The following PYGL variants were observed in gnomAD, a reference collection of about 807,000 sequenced individuals.
The protein encoded by PYGL is glycogen phosphorylase L.
A neutral mutation model predicts 100.1 loss-of-function variants in PYGL; 90 were observed. The observed-to-expected ratio is 0.90, with a 90% CI of 0.76 to 1.07. The LOEUF is 1.07. Ranked by LOEUF, PYGL falls within the 50% of genes least tolerant of loss-of-function variation. The probability of loss-of-function intolerance (pLI) is 0.00; values close to 1 mark genes in which losing one functional copy is unlikely to be tolerated. For missense variants in PYGL, 1,016 were observed against 1,057.6 expected (o/e 0.96, Z 0.55); for synonymous variants, 373 against 393.0 (o/e 0.95, Z 0.60).
intron 4 of PYGL, among the ~76,000 whole-genome samples, chr14:50,930,258 A>G (rs1432398983): frequency 2.0e-5 from 3 of 152,176 alleles, no homozygotes; most frequent in African/African-American, 7.2e-5. Flanking sequence ...TGTGCCAGAT[A>G]TTTTACATGT....
chr14:50,929,420 T>C (rs1007446135), intron 4 of PYGL, among the ~76,000 whole-genome samples: 2 of 152,226 alleles, frequency 1.3e-5, no homozygotes, highest in African/African-American at 2.4e-5. Context: ...TAAAGAACAC[T>C]GGAATACATG....
chr14:50,910,612 T>C (rs2050385397), intron 16 of PYGL, among the ~76,000 whole-genome samples: 1 of 152,080 alleles, frequency 6.6e-6, no homozygotes, highest in South Asian at 2.1e-4. Flanking sequence ...AGCACCACCA[T>C]GTCCAGCTAA....
chr14:50,915,082 A>G (rs2050433064), intron 11 of PYGL: 1 of 620,602 alleles, frequency 1.6e-6, no homozygotes, highest in Non-Finnish European at 2.8e-6. Flanking sequence ...TCAGTAGAAT[A>G]GTTTTTGGTA....
intron 4 of PYGL, among the ~76,000 whole-genome samples, chr14:50,929,087 C>G (rs2050580755): frequency 6.6e-6 from 1 of 152,088 alleles, no homozygotes; most frequent in African/African-American, 2.4e-5. Flanking sequence ...GTCTCACTCA[C>G]TTGCCCAGAC....
At chr14:50,943,001 A>G (rs1379546351) in intron 1 of PYGL, among the ~76,000 whole-genome samples, 1 of 152,196 alleles carries the variant, frequency 6.6e-6, no homozygotes, top group Non-Finnish European at 1.5e-5. Flanking sequence ...AAACTGTTAC[A>G]GTTGCAATTT....
At chr14:50,941,872 T>C (rs1306256857) in intron 1 of PYGL, among the ~76,000 whole-genome samples, 4 of 152,144 alleles carry the variant, frequency 2.6e-5, no homozygotes, top group Non-Finnish European at 4.4e-5. Context: ...AGTGAGACTC[T>C]GTCACAAAAC....
chr14:50,913,982 A>C (rs572147733), intron 12 of PYGL, among the ~76,000 whole-genome samples: 1 of 152,154 alleles, frequency 6.6e-6, no homozygotes, highest in African/African-American at 2.4e-5. Flanking sequence ...GATTACATGC[A>C]TGAGCCATCA....
chr14:50,912,246 G>T lies in PYGL; in HGVS notation c.1678C>A (p.Pro560Thr). 2 of 1,613,990 alleles carry T rather than the reference G, an allele frequency of 1.2e-6. No individual in the cohort carries two copies. The highest frequency in any genetic ancestry group is 1.1e-5 in the South Asian group (1 of 91,074). Reference sequence around the variant, plus strand: ...ACCTGGACATCAAACATGGAGGATGGGTTGATCTTCACTTTGTACTCCGTC... The same window carrying T: ...ACCTGGACATCAAACATGGAGGATGTGTTGATCTTCACTTTGTACTCCGTC... ...LETEYKVKINPSSMFDVQVKR... is the reference protein window; with the variant it reads ...LETEYKVKINTSSMFDVQVKR... Residue 560 changes from proline to threonine, a missense_variant, in exon 14 of 20, where the codon CCA becomes ACA. By Grantham distance (38) the Pro-to-Thr change is conservative (BLOSUM62 -1). Coordinates refer to ENST00000216392, the MANE Select transcript of PYGL (RefSeq NM_002863.5).
intron 3 of PYGL, among the ~76,000 whole-genome samples, chr14:50,933,785 T>A (rs1370546645): frequency 6.6e-6 from 1 of 152,086 alleles, no homozygotes; most frequent in Admixed American, 6.6e-5. Flanking sequence ...CACACATATA[T>A]GTCTGGAATA....
chr14:50,930,599 C>T (rs1456819462), intron 4 of PYGL, among the ~76,000 whole-genome samples: 5 of 152,298 alleles, frequency 3.3e-5, no homozygotes, highest in East Asian at 1.9e-4. Flanking sequence ...TTTAGTTCCT[C>T]CCTTTTTTGG....
At chr14:50,923,566 T>C (rs1488690088) in intron 5 of PYGL, 1 of 193,858 alleles carries the variant, frequency 5.2e-6, no homozygotes, top group Non-Finnish European at 1.1e-5. Flanking sequence ...GGGATTACAG[T>C]TGTGAGCCAC....
rs1454298101 is a variant in PYGL at position 50,944,114 on chromosome 14, C to A, written c.243+47G>T. The A allele has an allele frequency of 2.6e-6, 4 of 1,563,254 alleles. No individual in the cohort carries two copies. In the African/African-American group the frequency reaches 4.0e-5, roughly 16 times the overall value. ...CGTCCCGCCCGGCCGCGGCCGGAGA[C>A]TCCGACTCCGGGCTGGACCCCGGCC... On this transcript the variant is annotated intron_variant, in intron 1 of 19. Transcript: ENST00000216392.
chr14:50,935,080 A>G, intron 3 of PYGL, 27 bp downstream of exon 3: 1 of 1,577,998 alleles, frequency 6.3e-7, no homozygotes, highest in Non-Finnish European at 8.7e-7. Context: ...CGGCCAGACA[A>G]TATAATACAC....
chr14:50,925,952 C>CT (rs779014811), intron 4 of PYGL, among the ~76,000 whole-genome samples: 50 of 152,138 alleles, frequency 3.3e-4, no homozygotes, highest in Non-Finnish European at 5.9e-4. Flanking sequence ...TTCTGCATTC[C>CT]TAATAAGCTC....
intron 19 of PYGL, among the ~76,000 whole-genome samples, chr14:50,906,038 A>G (rs906926509): frequency 6.6e-6 from 1 of 152,218 alleles, no homozygotes; most frequent in African/African-American, 2.4e-5. Flanking sequence ...TTATTGACCT[A>G]CTTAGCTTTT....
intron 3 of PYGL, among the ~76,000 whole-genome samples, chr14:50,933,871 A>G (rs895186154): frequency 2.6e-5 from 4 of 152,166 alleles, no homozygotes; most frequent in African/African-American, 9.7e-5. Context: ...AAAATATTTA[A>G]TTTTTAAAAA....
At chr14:50,935,020 G>T in intron 3 of PYGL, 87 bp downstream of exon 3, 1 of 1,273,688 alleles carries the variant, frequency 7.9e-7, no homozygotes, top group South Asian at 1.2e-5. Flanking sequence ...TAGGAAGCCT[G>T]CCTGGTTCTT....
intron 7 of PYGL, among the ~76,000 whole-genome samples, chr14:50,917,353 C>A (rs1329359542): frequency 6.6e-6 from 1 of 152,150 alleles, no homozygotes; most frequent in African/African-American, 2.4e-5. Flanking sequence ...TAGCAACAAC[C>A]TTTTAGAGGC....
At position 50,944,111 on chromosome 14, in the gene PYGL, A is replaced by T. The variant is rs373409850; in HGVS notation, c.243+50T>A. 67 of 1,558,706 alleles carry T rather than the reference A, an allele frequency of 4.3e-5. No homozygotes were observed. The African/African-American group carries it at 8.2e-4, about 19-fold the overall frequency. ...CCTCGTCCCGCCCGGCCGCGGCCGG[A>T]GACTCCGACTCCGGGCTGGACCCCG... On this transcript the variant is annotated intron_variant, in intron 1 of 19. Coordinates refer to ENST00000216392, the MANE Select transcript of PYGL (RefSeq NM_002863.5).
Sources: allele counts gnomAD v4.1 joint callset (sites outside exome capture counted in the v4.1 genomes callset), GRCh38; gene constraint gnomAD v4.1.1; transcripts MANE v1.5; gene names NCBI Gene and HGNC (gene_info 2026-07-23, HGNC 2026-07-21).